Variants in PTPRN2 observed in about 807,000 individuals in gnomAD.
PTPRN2 encodes the protein protein tyrosine phosphatase receptor type N2.
A neutral mutation model predicts 118.8 loss-of-function variants in PTPRN2; 74 were observed. The observed-to-expected ratio is 0.62, with a 90% CI of 0.52 to 0.76. PTPRN2 has a LOEUF of 0.76. PTPRN2 is among the 30% of genes least tolerant of loss of function. The pLI is 0.00. For synonymous variants in PTPRN2, 641 were observed against 608.0 expected (o/e 1.05, Z -0.80); for missense variants, 1,481 against 1,394.4 (o/e 1.06, Z -0.99).
At chr7:157,792,434 T>C (rs1804569448) in intron 12 of PTPRN2, among the ~76,000 whole-genome samples, 3 of 152,256 alleles carry the variant, frequency 2.0e-5, no homozygotes, top group Admixed American at 2.0e-4. Context: ...GAGAAGCCCA[T>C]CTCCACCCCC....
intron 3 of PTPRN2, among the ~76,000 whole-genome samples, chr7:158,262,636 A>C (rs1797534273): frequency 6.7e-6 from 1 of 149,080 alleles, no homozygotes; most frequent in Non-Finnish European, 1.5e-5. Flanking sequence ...TTCACACTGC[A>C]AACATTCACT....
intron 22 of PTPRN2, among the ~76,000 whole-genome samples, chr7:157,542,128 G>A (rs191340959): frequency 6.8e-4 from 104 of 152,294 alleles, no homozygotes; most frequent in Non-Finnish European, 1.2e-3. Flanking sequence ...CTGCCCCTGT[G>A]GGGGCAGGGG....
intron 12 of PTPRN2, among the ~76,000 whole-genome samples, chr7:157,769,077 A>G (rs1256729191): frequency 2.6e-5 from 4 of 152,128 alleles, no homozygotes; most frequent in Non-Finnish European, 5.9e-5. Context: ...TTCATTAACC[A>G]CAGCGAACGG....
intron 11 of PTPRN2, among the ~76,000 whole-genome samples, chr7:158,041,224 T>A (rs1808440271): frequency 6.6e-6 from 1 of 152,184 alleles, no homozygotes; most frequent in Admixed American, 6.5e-5. Context: ...GCCAGGGTAC[T>A]TGGAAGAGAT....
At chr7:157,577,980 C>T (rs1467245498) in intron 18 of PTPRN2, 41 bp downstream of exon 18, 3 of 1,534,058 alleles carry the variant, frequency 2.0e-6, no homozygotes, top group Non-Finnish European at 1.8e-6. Context: ...CGTCCTCGTC[C>T]GGCTGGTGGG....
intron 12 of PTPRN2, among the ~76,000 whole-genome samples, chr7:157,726,380 C>A (rs1275797176): frequency 1.3e-5 from 2 of 148,156 alleles, no homozygotes; most frequent in East Asian, 4.1e-4. Context: ...GATATCCACA[C>A]GCAGAGGAGT....
At chr7:157,612,661 G>A (rs1007031761) in intron 15 of PTPRN2, among the ~76,000 whole-genome samples, 3 of 152,230 alleles carry the variant, frequency 2.0e-5, no homozygotes, top group African/African-American at 7.2e-5. Flanking sequence ...GGGGCGCAGG[G>A]CAGACTGTGC....
chr7:158,332,891 G>T (rs1166173301), intron 2 of PTPRN2, among the ~76,000 whole-genome samples: 1 of 149,310 alleles, frequency 6.7e-6, no homozygotes, highest in Non-Finnish European at 1.5e-5. Context: ...AGTGACACCT[G>T]CAAACGTCAC....
intron 3 of PTPRN2, among the ~76,000 whole-genome samples, chr7:158,233,097 A>C (rs1829273110): frequency 6.6e-6 from 1 of 152,208 alleles, no homozygotes; most frequent in Non-Finnish European, 1.5e-5. Flanking sequence ...AAGAGAAAGA[A>C]ATACAGGCAC....
intron 2 of PTPRN2, among the ~76,000 whole-genome samples, chr7:158,385,757 G>C (rs2151358806): frequency 6.6e-6 from 1 of 152,282 alleles, no homozygotes; most frequent in South Asian, 2.1e-4. Flanking sequence ...AATTTCCACA[G>C]TCTCCAGGAA....
chr7:157,573,145 G>A (rs1317357454), intron 19 of PTPRN2, among the ~76,000 whole-genome samples: 1 of 152,246 alleles, frequency 6.6e-6, no homozygotes, highest in Admixed American at 6.5e-5. Flanking sequence ...AGGCCTCAGG[G>A]GTGCACCCCA....
intron 11 of PTPRN2, among the ~76,000 whole-genome samples, chr7:158,064,698 C>A (rs1362459040): frequency 6.6e-6 from 1 of 152,142 alleles, no homozygotes; most frequent in Non-Finnish European, 1.5e-5. Flanking sequence ...CCAGTGATTT[C>A]CAGAAGCTGA....
intron 11 of PTPRN2, among the ~76,000 whole-genome samples, chr7:157,917,952 T>C (rs1448179864): frequency 6.6e-6 from 1 of 152,162 alleles, no homozygotes; most frequent in Non-Finnish European, 1.5e-5. Context: ...GAAATTTGAC[T>C]AAGATTTTTT....
chr7:157,853,614 C>T (rs1368861525), intron 12 of PTPRN2, among the ~76,000 whole-genome samples: 2 of 152,098 alleles, frequency 1.3e-5, no homozygotes, highest in Non-Finnish European at 2.9e-5. Flanking sequence ...AAGAGCTGAG[C>T]GCTCAGGAAG....
chr7:158,289,734 G>T (rs1458340178), intron 3 of PTPRN2, among the ~76,000 whole-genome samples: 1 of 152,014 alleles, frequency 6.6e-6, no homozygotes, highest in African/African-American at 2.4e-5. Context: ...CATGTTTGTT[G>T]TTGTTGTTGT....
chr7:158,371,773 G>T (rs1810014349), intron 2 of PTPRN2, among the ~76,000 whole-genome samples: 1 of 152,114 alleles, frequency 6.6e-6, no homozygotes, highest in Admixed American at 6.5e-5. Flanking sequence ...AGAAACAAAG[G>T]AATTTCCAAC....
chr7:158,507,366 A>G (rs763504318), intron 1 of PTPRN2, among the ~76,000 whole-genome samples: 24 of 151,734 alleles, frequency 1.6e-4, no homozygotes, highest in African/African-American at 3.4e-4. Flanking sequence ...GAGGTCAGTG[A>G]GGACCATCCA....
At chr7:158,206,885 G>A (rs985679570) in intron 3 of PTPRN2, among the ~76,000 whole-genome samples, 1 of 149,002 alleles carries the variant, frequency 6.7e-6, no homozygotes, top group Non-Finnish European at 1.5e-5. Flanking sequence ...GTATACATGT[G>A]CCATGCTGGT....
At chr7:158,491,350 A>G (rs1821429002) in intron 1 of PTPRN2, among the ~76,000 whole-genome samples, 1 of 152,202 alleles carries the variant, frequency 6.6e-6, no homozygotes, top group African/African-American at 2.4e-5. Flanking sequence ...TGCCCAGCCC[A>G]GTGCCCACCA....
Sources: allele counts gnomAD v4.1 joint callset (sites outside exome capture counted in the v4.1 genomes callset), GRCh38; gene constraint gnomAD v4.1.1; transcripts MANE v1.5; gene names NCBI Gene and HGNC (gene_info 2026-07-23, HGNC 2026-07-21).